Variants in TMEM150C observed in about 807,000 individuals in gnomAD.
The protein encoded by TMEM150C is tentonin 3.
Under a neutral mutation model 29.9 loss-of-function variants are expected in TMEM150C, and 10 were observed. That is an observed-to-expected ratio of 0.33 (90% CI 0.21 to 0.57). The LOEUF is 0.57. TMEM150C is among the 20% of genes least tolerant of loss of function. The pLI is 0.88. For synonymous variants in TMEM150C, 101 were observed against 112.5 expected (o/e 0.90, Z 0.64); for missense variants, 251 against 303.6 (o/e 0.83, Z 1.29).
At chr4:82,505,134 C>T (rs1723873217) in intron 1 of TMEM150C, among the ~76,000 whole-genome samples, 1 of 152,096 alleles carries the variant, frequency 6.6e-6, no homozygotes. Flanking sequence ...GTGGGAAATC[C>T]CTGAAACAGT....
upstream of TMEM150C, chr4:82,562,067 C>A: frequency 8.6e-7 from 1 of 1,160,636 alleles, no homozygotes; most frequent in South Asian, 1.6e-5. Context: ...GGCCCGCCCC[C>A]GACTTATTCT....
At chr4:82,506,112 AG>A (rs1723911952) in intron 1 of TMEM150C, among the ~76,000 whole-genome samples, 1 of 152,192 alleles carries the variant, frequency 6.6e-6, no homozygotes, top group African/African-American at 2.4e-5. Flanking sequence ...TTACAATTAA[AG>A]AAAGTTTGTT....
chr4:82,556,405 T>C (rs1388263571), intron 1 of TMEM150C, among the ~76,000 whole-genome samples: 1 of 152,244 alleles, frequency 6.6e-6, no homozygotes, highest in South Asian at 2.1e-4. Context: ...CCACTTCTAT[T>C]AGACATTTTA....
intron 1 of TMEM150C, among the ~76,000 whole-genome samples, chr4:82,510,095 C>T (rs918918350): frequency 1.3e-4 from 20 of 151,818 alleles, no homozygotes; most frequent in Admixed American, 2.0e-4. Flanking sequence ...CTGGCTAACA[C>T]GGTGAAACCC....
chr4:82,502,860 C>T lies in TMEM150C; in HGVS notation c.167+35G>A, dbSNP rs181741301. On this transcript the variant is annotated intron_variant, in intron 4 of 7. Transcript: ENST00000449862. ...TCTATAATCCTCCTAACTTTTCCTA[C>T]GGTCCCACAGGACAGAAGAGAATTG... 6.8e-5 allele frequency: 109 copies of T among 1,595,104 alleles called. No individual in the cohort carries two copies. In the African/African-American group the frequency reaches 8.6e-4, roughly 13 times the overall value.
At chr4:82,557,238 C>T (rs533468710) in intron 1 of TMEM150C, among the ~76,000 whole-genome samples, 4 of 152,214 alleles carry the variant, frequency 2.6e-5, no homozygotes, top group Admixed American at 1.3e-4. Context: ...GTAGGTTACA[C>T]CTTAAGTGGA....
At chr4:82,491,978 C>T (rs1395058613) in intron 6 of TMEM150C, among the ~76,000 whole-genome samples, 18 of 147,408 alleles carry the variant, frequency 1.2e-4, no homozygotes, top group Non-Finnish European at 4.4e-5. Context: ...AGTGCTCTGT[C>T]GCCCAGGCTG....
At chr4:82,516,642 T>C (rs1439714206) in intron 1 of TMEM150C, among the ~76,000 whole-genome samples, 1 of 152,204 alleles carries the variant, frequency 6.6e-6, no homozygotes, top group Non-Finnish European at 1.5e-5. Context: ...TCAGTACCAC[T>C]GATGCCCATC....
intron 1 of TMEM150C, among the ~76,000 whole-genome samples, chr4:82,516,858 T>G (rs956689155): frequency 6.6e-6 from 1 of 152,166 alleles, no homozygotes; most frequent in African/African-American, 2.4e-5. Flanking sequence ...AAAACACATG[T>G]GAAATATACC....
At chr4:82,512,327 C>T (rs1724152730) in intron 1 of TMEM150C, among the ~76,000 whole-genome samples, 1 of 152,170 alleles carries the variant, frequency 6.6e-6, no homozygotes, top group African/African-American at 2.4e-5. Flanking sequence ...GAACTGAATC[C>T]TTGATAACAT....
chr4:82,491,453 G>A (rs1723343796), intron 6 of TMEM150C: 1 of 688,768 alleles, frequency 1.5e-6, no homozygotes, highest in East Asian at 2.5e-5. Context: ...ACTGCAACCT[G>A]ATATAGCGGG....
chr4:82,493,290 AATG>A (rs1295097777), intron 6 of TMEM150C, among the ~76,000 whole-genome samples: 8 of 152,206 alleles, frequency 5.3e-5, no homozygotes, highest in African/African-American at 1.9e-4. Context: ...TATTTAAAAT[AATG>A]ATATCTGAAA....
rs577728662 is a variant in TMEM150C at position 82,540,114 on chromosome 4, C to CTTT, written c.-11+21789_-11+21791dup. 8.3e-4 allele frequency among the ~76,000 whole-genome samples: 39 copies of CTTT among 47,256 alleles called. 12 individuals carry two copies. The highest frequency in any genetic ancestry group is 1.5e-3 in the Non-Finnish European group (29 of 19,288). The allele number at this position is 47,256 out of a possible 152,430, so 31.0% of individuals were successfully genotyped here. ...TAGTCATTCAATGTTTCTACCTATT[C>CTTT]TTTTTTTTTTTTTTTTTTTTTTTTT... On this transcript the variant is annotated intron_variant, in intron 1 of 7. Transcript: ENST00000449862.
At chr4:82,509,379 A>T (rs1724044255) in intron 1 of TMEM150C, among the ~76,000 whole-genome samples, 1 of 152,238 alleles carries the variant, frequency 6.6e-6, no homozygotes, top group South Asian at 2.1e-4. Flanking sequence ...CCAAGAGAAC[A>T]CCTGGCCACT....
intron 1 of TMEM150C, among the ~76,000 whole-genome samples, chr4:82,515,348 C>T (rs1724257050): frequency 6.6e-6 from 1 of 152,086 alleles, no homozygotes; most frequent in South Asian, 2.1e-4. Flanking sequence ...AGCACAGCAC[C>T]CTGAGAAGTA....
At chr4:82,561,520 C>A (rs1578164599) in intron 1 of TMEM150C, among the ~76,000 whole-genome samples, 1 of 150,076 alleles carries the variant, frequency 6.7e-6, no homozygotes. Flanking sequence ...GATGATGGGG[C>A]GGCGGGTGGG....
chr4:82,500,743 T>C (rs873931), intron 5 of TMEM150C, among the ~76,000 whole-genome samples: 13,342 of 152,246 alleles, frequency 0.088, 701 homozygotes, highest in African/African-American at 0.13. Flanking sequence ...TTTAAAAAAG[T>C]ATACACTTAA....
intron 5 of TMEM150C, 113 bp downstream of exon 5, chr4:82,502,614 A>T (rs568094377): frequency 1.9e-6 from 2 of 1,048,104 alleles, no homozygotes; most frequent in South Asian, 3.0e-5. Flanking sequence ...TTGACATCGT[A>T]TGATACTAAA....
At chr4:82,535,030 G>A (rs1488893030) in intron 1 of TMEM150C, among the ~76,000 whole-genome samples, 1 of 152,222 alleles carries the variant, frequency 6.6e-6, no homozygotes, top group African/African-American at 2.4e-5. Context: ...AATTGTTTCT[G>A]TGTCAATTCT....
Sources: gnomAD v4.1 joint callset for allele counts (sites outside exome capture counted in the v4.1 genomes callset) on GRCh38, gnomAD v4.1.1 for gene constraint, MANE v1.5 for transcripts, NCBI Gene and HGNC (gene_info 2026-07-23, HGNC 2026-07-21) for gene names.